CREB5: variants seen among roughly 807,000 people sequenced by gnomAD.
CREB5 encodes cyclic AMP-responsive element-binding protein 5.
Under a neutral mutation model 57.1 loss-of-function variants are expected in CREB5, and 19 were observed. The observed-to-expected ratio is 0.33, with a 90% confidence interval of 0.23 to 0.49. The LOEUF (loss-of-function observed/expected upper bound fraction) is 0.49, where lower values mean the gene tolerates loss of function less well. Ranked by LOEUF, CREB5 falls within the 20% of genes least tolerant of loss-of-function variation. CREB5 has a pLI of 0.99. For synonymous variants in CREB5, 238 were observed against 238.3 expected (o/e 1.00, Z 0.01); for missense variants, 579 against 671.6 (o/e 0.86, Z 1.52).
chr7:28,482,127 C>G (rs926519429), intron 1 of CREB5, among the ~76,000 whole-genome samples: 2 of 152,178 alleles, frequency 1.3e-5, no homozygotes, highest in African/African-American at 4.8e-5. Flanking sequence ...TACAATGGCA[C>G]TGTTTTGCAG....
rs147962957 is a variant in CREB5 at position 28,362,215 on chromosome 7, T to C, written c.-25+62774T>C. Among the ~76,000 whole-genome samples, 7 of 152,328 alleles carry C rather than the reference T, an allele frequency of 4.6e-5. No homozygotes were observed. The East Asian group carries it at 1.3e-3, about 29-fold the overall frequency. Reference sequence around the variant, plus strand: ...TATCTGTATAGAATGGAAACTTACATTTTGTGTCCATCTGGGAATAGTCCA... The same window carrying C: ...TATCTGTATAGAATGGAAACTTACACTTTGTGTCCATCTGGGAATAGTCCA... On this transcript the variant is annotated intron_variant, in intron 1 of 9. Coordinates refer to the CREB5 transcript ENST00000396299.
At chr7:28,440,782 G>T (rs1348727623) in intron 1 of CREB5, among the ~76,000 whole-genome samples, 1 of 152,158 alleles carries the variant, frequency 6.6e-6, no homozygotes, top group Non-Finnish European at 1.5e-5. Context: ...GACAGGGTTT[G>T]AACCTTGTCA....
intron 1 of CREB5, among the ~76,000 whole-genome samples, chr7:28,350,042 G>A (rs1031562049): frequency 2.0e-5 from 3 of 152,172 alleles, no homozygotes; most frequent in Non-Finnish European, 4.4e-5. Context: ...AAACAGGAAG[G>A]TTAGCACCTT....
At chr7:28,351,792 A>T (rs1421007722) in intron 1 of CREB5, among the ~76,000 whole-genome samples, 1 of 152,174 alleles carries the variant, frequency 6.6e-6, no homozygotes, top group African/African-American at 2.4e-5. Flanking sequence ...CTTGTTAATT[A>T]GGTATTCAAG....
chr7:28,700,562 C>T (rs975451408), intron 5 of CREB5, among the ~76,000 whole-genome samples: 7 of 152,116 alleles, frequency 4.6e-5, no homozygotes, highest in Non-Finnish European at 7.4e-5. Context: ...TCTGTTGGAT[C>T]GAATGTTTAT....
chr7:28,500,350 G>A (rs1792227338), intron 3 of CREB5, among the ~76,000 whole-genome samples: 1 of 152,148 alleles, frequency 6.6e-6, no homozygotes, highest in African/African-American at 2.4e-5. Flanking sequence ...GACTGGATGT[G>A]GGTAAGACCA....
At chr7:28,417,047 G>A (rs1386984089) in intron 1 of CREB5, among the ~76,000 whole-genome samples, 1 of 152,200 alleles carries the variant, frequency 6.6e-6, no homozygotes, top group African/African-American at 2.4e-5. Context: ...AGCAGCCTGA[G>A]ACTGGAGGAG....
chr7:28,486,670 T>TTAAATA (rs1554331892), intron 1 of CREB5, among the ~76,000 whole-genome samples: 14,401 of 89,124 alleles, frequency 0.16, 1,730 homozygotes, highest in South Asian at 0.3. Context: ...TCCTATGATT[T>TTAAATA]TATATATATA....
chr7:28,644,193 G>C (rs1199558673), intron 5 of CREB5, among the ~76,000 whole-genome samples: 2 of 141,574 alleles, frequency 1.4e-5, no homozygotes, highest in African/African-American at 5.0e-5. Context: ...GGGAAAGGAA[G>C]GGAAGGGAAG....
At chr7:28,430,996 G>A (rs1453226357) in intron 1 of CREB5, among the ~76,000 whole-genome samples, 1 of 152,172 alleles carries the variant, frequency 6.6e-6, no homozygotes, top group Admixed American at 6.5e-5. Context: ...GCTGGCTTCC[G>A]ATTCTTGCTG....
chr7:28,737,392 C>G (rs959045946), intron 7 of CREB5, among the ~76,000 whole-genome samples: 3 of 151,286 alleles, frequency 2.0e-5, no homozygotes, highest in Admixed American at 2.0e-4. Context: ...CTGGTTTCTT[C>G]CCCCCTCTGT....
intron 5 of CREB5, among the ~76,000 whole-genome samples, chr7:28,593,579 G>T (rs1254882925): frequency 6.6e-6 from 1 of 152,158 alleles, no homozygotes; most frequent in African/African-American, 2.4e-5. Context: ...CATAGAAGAT[G>T]CCTCCAGAAG....
intron 1 of CREB5, among the ~76,000 whole-genome samples, chr7:28,368,944 G>T (rs1786644210): frequency 6.6e-6 from 1 of 152,150 alleles, no homozygotes; most frequent in South Asian, 2.1e-4. Context: ...TACTTGGAAG[G>T]CTGTTGTGGG....
At chr7:28,795,077 C>T (rs1475783150) in intron 7 of CREB5, among the ~76,000 whole-genome samples, 1 of 152,154 alleles carries the variant, frequency 6.6e-6, no homozygotes, top group Non-Finnish European at 1.5e-5. Context: ...ACAGGACTCT[C>T]ACTCTCTTGA....
chr7:28,743,856 T>TA (rs1804532126), intron 7 of CREB5, among the ~76,000 whole-genome samples: 1 of 145,132 alleles, frequency 6.9e-6, no homozygotes, highest in Admixed American at 6.9e-5. Flanking sequence ...TTTTTTTTTT[T>TA]TTTTTTATTA....
At chr7:28,611,050 C>T (rs1241097001) in intron 5 of CREB5, among the ~76,000 whole-genome samples, 1 of 151,864 alleles carries the variant, frequency 6.6e-6, no homozygotes, top group Admixed American at 6.6e-5. Flanking sequence ...CTGTCTTTCC[C>T]TTATACTTAG....
At chr7:28,605,234 G>A (rs1797085677) in intron 5 of CREB5, among the ~76,000 whole-genome samples, 1 of 152,198 alleles carries the variant, frequency 6.6e-6, no homozygotes, top group African/African-American at 2.4e-5. Flanking sequence ...GGTGGACGTG[G>A]TGGTAGGTAA....
chr7:28,439,774 G>A (rs1481256814), intron 1 of CREB5, among the ~76,000 whole-genome samples: 4 of 152,170 alleles, frequency 2.6e-5, no homozygotes, highest in African/African-American at 4.8e-5. Flanking sequence ...CAGTTCTTAG[G>A]ATTCTCAAAG....
chr7:28,650,287 T>A (rs1269184481), intron 5 of CREB5, among the ~76,000 whole-genome samples: 1 of 152,226 alleles, frequency 6.6e-6, no homozygotes, highest in East Asian at 1.9e-4. Flanking sequence ...AGATTTTCTG[T>A]CTTAAGCATT....
Sources: allele counts gnomAD v4.1 joint callset (sites outside exome capture counted in the v4.1 genomes callset), GRCh38; gene constraint gnomAD v4.1.1; transcripts MANE v1.5; gene names NCBI Gene and HGNC (gene_info 2026-07-23, HGNC 2026-07-21).